The following THSD1 variants were observed in gnomAD, a reference collection of about 807,000 sequenced individuals.
THSD1 encodes thrombospondin type 1 domain containing 1, also known as thrombospondin type-1 domain-containing protein 1.
In THSD1, 34 loss-of-function variants were observed where a neutral mutation model predicts 46.3. That is an observed-to-expected ratio of 0.74 (90% CI 0.56 to 0.98). The LOEUF (loss-of-function observed/expected upper bound fraction) is 0.98. THSD1 is among the 50% of genes least tolerant of loss of function. The pLI, the probability that THSD1 is intolerant of heterozygous loss-of-function variation, is 0.00. For synonymous variants in THSD1, 407 were observed against 416.5 expected, an observed-to-expected ratio of 0.98 and a Z score of 0.28; for missense variants, 1,023 against 1,058.3, an observed-to-expected ratio of 0.97 and a Z score of 0.46.
chr13:52,385,581 C>T (rs891919039), intron 4 of THSD1, among the ~76,000 whole-genome samples: 1 of 151,962 alleles, frequency 6.6e-6, no homozygotes, highest in Non-Finnish European at 1.5e-5. Context: ...GGGAGTCTTG[C>T]CCCATTTTGA....
chr13:52,393,975 C>A (rs552794212), intron 3 of THSD1, among the ~76,000 whole-genome samples: 1 of 152,210 alleles, frequency 6.6e-6, no homozygotes, highest in Non-Finnish European at 1.5e-5. Context: ...TTAGCTCCCC[C>A]AGTTACTGCC....
At chr13:52,402,422 G>T in intron 2 of THSD1, 121 bp downstream of exon 2, 1 of 772,066 alleles carries the variant, frequency 1.3e-6, no homozygotes, top group Non-Finnish European at 2.0e-6. Context: ...AGTTGAGAAA[G>T]CACTGCACTA....
Position 52,397,225 on chromosome 13 carries a change from T to C in THSD1, c.1021+7A>G, listed in dbSNP as rs376347302. On this transcript the variant is annotated splice_region_variant and intron_variant, in intron 3 of 4. Coordinates refer to ENST00000258613, the MANE Select transcript of THSD1 (RefSeq NM_018676.4). The stretch of plus-strand genomic sequence containing the variant: ...ATTTAAAATGTTAAAAAAATCTCAA[T>C]ACAAACCTGTATTTCTCTGAATTAG... 3.9e-6 allele frequency: 6 copies of C among 1,547,620 alleles called. No individual in the cohort carries two copies. In the African/African-American group the frequency reaches 5.5e-5, roughly 14 times the overall value.
At chr13:52,384,494 G>A (rs1343009372) in intron 4 of THSD1, 5 of 447,444 alleles carry the variant, frequency 1.1e-5, no homozygotes, top group Non-Finnish European at 1.8e-5. Flanking sequence ...CTGGCAGGCA[G>A]TAAGCTCTCA....
chr13:52,385,917 A>T, intron 4 of THSD1, 111 bp downstream of exon 4: 1 of 941,136 alleles, frequency 1.1e-6, no homozygotes, highest in Non-Finnish European at 1.6e-6. Flanking sequence ...ACAGAGCATT[A>T]ATGAGTCTAC....
intron 3 of THSD1, among the ~76,000 whole-genome samples, chr13:52,387,089 C>T (rs1337036647): frequency 6.6e-6 from 1 of 152,162 alleles, no homozygotes; most frequent in Non-Finnish European, 1.5e-5. Flanking sequence ...TATCAAATAA[C>T]AACAGTCTAC....
At chr13:52,383,783 A>G (rs1418130790) in intron 4 of THSD1, among the ~76,000 whole-genome samples, 4 of 152,236 alleles carry the variant, frequency 2.6e-5, no homozygotes, top group Admixed American at 2.6e-4. Flanking sequence ...CTTGGAAGAA[A>G]TGATCATTTT....
intron 2 of THSD1, among the ~76,000 whole-genome samples, chr13:52,402,316 T>C (rs1362117009): frequency 6.6e-6 from 1 of 152,202 alleles, no homozygotes; most frequent in Non-Finnish European, 1.5e-5. Context: ...AGAGTTGGTT[T>C]TTTTATTTTT....
intron 3 of THSD1, among the ~76,000 whole-genome samples, chr13:52,387,968 G>T (rs1423027976): frequency 6.6e-6 from 1 of 151,988 alleles, no homozygotes; most frequent in East Asian, 1.9e-4. Flanking sequence ...AAAACACCAT[G>T]CAGGATAAAT....
At chr13:52,388,800 A>T (rs2137733728) in intron 3 of THSD1, among the ~76,000 whole-genome samples, 1 of 152,116 alleles carries the variant, frequency 6.6e-6, no homozygotes, top group Middle Eastern at 3.4e-3. Flanking sequence ...GTTTAATAGC[A>T]TATATAAAGT....
At chr13:52,393,777 T>C (rs1594101780) in intron 3 of THSD1, among the ~76,000 whole-genome samples, 1 of 152,150 alleles carries the variant, frequency 6.6e-6, no homozygotes, top group Non-Finnish European at 1.5e-5. Flanking sequence ...AATGGTACCA[T>C]TTGGCAAAAA....
At chr13:52,402,738 A>C in intron 1 of THSD1, 57 bp from the exon 2 acceptor site, 2 of 1,428,350 alleles carry the variant, frequency 1.4e-6, no homozygotes, top group Non-Finnish European at 1.8e-6. Context: ...ATAAAATAGT[A>C]ATCATTAAAT....
intron 4 of THSD1, 24 bp from the exon 5 acceptor site, chr13:52,378,813 C>T: frequency 6.5e-7 from 1 of 1,538,048 alleles, no homozygotes; most frequent in Non-Finnish European, 8.7e-7. Flanking sequence ...CAAAACAAAA[C>T]AAACAAACAA....
At chr13:52,388,669 C>T (rs1276648802) in intron 3 of THSD1, among the ~76,000 whole-genome samples, 3 of 151,998 alleles carry the variant, frequency 2.0e-5, no homozygotes, top group Non-Finnish European at 2.9e-5. Flanking sequence ...TTAGTAGAAA[C>T]GGGGTTTCTC....
chr13:52,394,807 G>A lies in THSD1; in HGVS notation c.1021+2425C>T, dbSNP rs748230489. On this transcript the variant is annotated intron_variant, in intron 3 of 4. Coordinates refer to ENST00000258613, the MANE Select transcript of THSD1 (RefSeq NM_018676.4). Reference sequence around the variant, plus strand: ...CATAAAAAGCTTCATAGCAGCACGAGTCAGGTTTTGCCACCAAATGAGCTT... The same window carrying A: ...CATAAAAAGCTTCATAGCAGCACGAATCAGGTTTTGCCACCAAATGAGCTT... 1.7e-4 allele frequency among the ~76,000 whole-genome samples: 26 copies of A among 152,270 alleles called. 1 individual carries two copies. In the South Asian group the frequency reaches 2.5e-3, roughly 15 times the overall value.
intron 4 of THSD1, among the ~76,000 whole-genome samples, chr13:52,383,610 C>A (rs1336691151): frequency 6.6e-6 from 1 of 152,204 alleles, no homozygotes; most frequent in African/African-American, 2.4e-5. Flanking sequence ...CCTTTAAAAT[C>A]ACAGCTGGAG....
intron 3 of THSD1, among the ~76,000 whole-genome samples, chr13:52,394,433 GCAAAACCCCGTCTCTACTAAAAATA>G (rs1957796988): frequency 6.6e-6 from 1 of 152,046 alleles, no homozygotes; most frequent in Admixed American, 6.5e-5. Flanking sequence ...GGCCAACATG[GCAAAACCCCGTCTCTACTAAAAATA>G]CAAAATTTAG....
intron 4 of THSD1, among the ~76,000 whole-genome samples, chr13:52,380,957 C>T (rs577117026): frequency 6.6e-6 from 1 of 152,236 alleles, no homozygotes; most frequent in South Asian, 2.1e-4. Flanking sequence ...CTCACTATGC[C>T]AGAGCTAGGA....
intron 4 of THSD1, among the ~76,000 whole-genome samples, chr13:52,384,803 G>A (rs181376858): frequency 6.6e-6 from 1 of 152,128 alleles, no homozygotes; most frequent in East Asian, 1.9e-4. Context: ...AAAGTGAAGA[G>A]GACTTATAAA....
Sources: allele counts gnomAD v4.1 joint callset (sites outside exome capture counted in the v4.1 genomes callset), GRCh38; gene constraint gnomAD v4.1.1; transcripts MANE v1.5; gene names NCBI Gene and HGNC (gene_info 2026-07-23, HGNC 2026-07-21).